AFAP1: variants seen among roughly 807,000 people sequenced by gnomAD.
The protein encoded by AFAP1 is actin filament-associated protein 1.
In AFAP1, 75 loss-of-function variants were observed where a neutral mutation model predicts 93.9. That is an observed-to-expected ratio of 0.80 (90% CI 0.66 to 0.97). AFAP1 has a LOEUF of 0.97. Ranked by LOEUF, AFAP1 falls within the 50% of genes least tolerant of loss-of-function variation. The pLI, the probability that AFAP1 is intolerant of heterozygous loss-of-function variation, is 0.00. For missense variants in AFAP1, 1,201 were observed against 1,050.8 expected, an observed-to-expected ratio of 1.14 and a Z score of -1.98; for synonymous variants, 517 against 430.7, an observed-to-expected ratio of 1.20 and a Z score of -2.48.
At position 7,866,562 on chromosome 4, in the gene AFAP1, A is replaced by C. The variant is rs1716420887; in HGVS notation, c.225+2060T>G. On this transcript the variant is annotated intron_variant, in intron 3 of 17. Transcript: ENST00000420658. ...AACATCTTTCCCAATATGAAATGTGATGAAATATAAGACCCATCACAGGGG... is the reference window on the plus strand; with the variant it reads ...AACATCTTTCCCAATATGAAATGTGCTGAAATATAAGACCCATCACAGGGG... Among the ~76,000 whole-genome samples, 3 of 152,328 alleles carry C rather than the reference A, an allele frequency of 2.0e-5. No individual in the cohort carries two copies. The South Asian group carries it at 6.2e-4, about 32-fold the overall frequency.
chr4:7,838,068 G>C (rs1712525835), intron 6 of AFAP1, among the ~76,000 whole-genome samples: 1 of 152,112 alleles, frequency 6.6e-6, no homozygotes, highest in African/African-American at 2.4e-5. Context: ...AGTAAATATA[G>C]TGAGAAAGTC....
In AFAP1 at chr4:7,911,731, C is replaced by T. The variant is rs114018092; in HGVS notation, c.-3+27925G>A. The stretch of plus-strand genomic sequence containing the variant: ...CCAGTACTTGTGTCACTATTCCACA[C>T]GGGTCCCTCCAGGGATTTCTGCCTG... On this transcript the variant is annotated intron_variant, in intron 1 of 17. Transcript: ENST00000420658. 7.2e-3 allele frequency among the ~76,000 whole-genome samples: 1,104 copies of T among 152,290 alleles called. 8 individuals are homozygous for T. The highest frequency in any genetic ancestry group is 0.024 in the African/African-American group (991 of 41,550).
intron 1 of AFAP1, among the ~76,000 whole-genome samples, chr4:7,884,470 A>ATT (rs1718030680): frequency 6.6e-6 from 1 of 152,098 alleles, no homozygotes; most frequent in Non-Finnish European, 1.5e-5. Flanking sequence ...CTATTTAAAA[A>ATT]TAATAAAGGC....
At chr4:7,837,588 A>G (rs929020011) in intron 6 of AFAP1, among the ~76,000 whole-genome samples, 1 of 152,224 alleles carries the variant, frequency 6.6e-6, no homozygotes, top group Non-Finnish European at 1.5e-5. Flanking sequence ...CAATCCAAGT[A>G]GACTAAGACA....
intron 1 of AFAP1, among the ~76,000 whole-genome samples, chr4:7,932,309 T>C (rs1264405310): frequency 2.0e-5 from 3 of 152,196 alleles, no homozygotes; most frequent in African/African-American, 7.2e-5. Flanking sequence ...CACCATCAGT[T>C]GTTTTCTTGA....
At position 7,774,786 on chromosome 4, in the gene AFAP1, A is replaced by G. The variant is rs201068346; in HGVS notation, c.2015T>C (p.Leu672Pro). ...TCGAAGGTCTTTTCTTTCCTTGCGG[A>G]GCTGGGCCAGCCTATTCCGCAGGGC... ...KEALRNRLAQ[L>P]RKERKDLRAA... The change falls in exon 15 of 18, where the codon CTC (leucine) becomes CCC (proline). Residue 672 changes from leucine (L) to proline (P), a missense_variant. Coordinates refer to ENST00000420658, the MANE Select transcript of AFAP1 (RefSeq NM_001134647.2). 1 of 1,614,138 alleles carries G rather than the reference A, an allele frequency of 6.2e-7. No homozygotes were observed. The highest frequency in any genetic ancestry group is 8.5e-7 in the Non-Finnish European group (1 of 1,180,036).
chr4:7,867,129 A>G (rs1577317050), intron 3 of AFAP1, among the ~76,000 whole-genome samples: 1 of 21,920 alleles, frequency 4.6e-5, no homozygotes, highest in African/African-American at 1.3e-4. Context: ...AGGGTAGGGG[A>G]GCGGAGGGGA....
intron 17 of AFAP1, among the ~76,000 whole-genome samples, chr4:7,765,175 C>A (rs1714382149): frequency 6.6e-6 from 1 of 152,134 alleles, no homozygotes; most frequent in African/African-American, 2.4e-5. Flanking sequence ...TGAAGCTGGG[C>A]CCCAAAACCA....
rs1052477164 is a variant in AFAP1, at chr4:7,762,963, G to C, written c.*802C>G. On this transcript the variant is annotated 3_prime_UTR_variant, in exon 18 of 18. Coordinates refer to ENST00000420658, the MANE Select transcript of AFAP1 (RefSeq NM_001134647.2). ...CTGGGGATGCTAGCCCAAGGGGGAG[G>C]AGGGTGTACTGTTAGTGAAGTATTA... The C allele has an allele frequency of 3.3e-5, 5 of 152,328 alleles. No individual in the cohort carries two copies. The highest frequency in any genetic ancestry group is 1.2e-4 in the African/African-American group (5 of 41,554). The allele number at this position is 152,328 out of a possible 1,614,324, so 9.4% of individuals were successfully genotyped here. A position where few individuals can be genotyped will look rare whatever the true frequency, so the allele number is the denominator to read the frequency against.
intron 3 of AFAP1, among the ~76,000 whole-genome samples, chr4:7,863,930 T>C (rs1222915910): frequency 1.4e-5 from 1 of 70,798 alleles, no homozygotes; most frequent in Non-Finnish European, 2.7e-5. Context: ...CTTCAATGGC[T>C]TACTGTTGCT....
intron 9 of AFAP1, 128 bp from the exon 10 acceptor site, chr4:7,800,781 C>G (rs1718952320): frequency 2.2e-6 from 2 of 916,758 alleles, no homozygotes; most frequent in African/African-American, 1.7e-5. Context: ...CACGATCGAT[C>G]AAGCTTTAAA....
intron 1 of AFAP1, among the ~76,000 whole-genome samples, chr4:7,917,856 C>T (rs990542322): frequency 2.6e-4 from 40 of 152,206 alleles, no homozygotes; most frequent in African/African-American, 8.2e-4. Flanking sequence ...GAGGTGGAAA[C>T]GCAACCTGAC....
At chr4:7,845,061 A>G (rs1713523001) in intron 4 of AFAP1, among the ~76,000 whole-genome samples, 1 of 152,218 alleles carries the variant, frequency 6.6e-6, no homozygotes, top group Non-Finnish European at 1.5e-5. Context: ...ATTTCCTTGC[A>G]AAGATTCAAT....
At chr4:7,869,776 A>G (rs1716859723) in intron 2 of AFAP1, among the ~76,000 whole-genome samples, 1 of 152,182 alleles carries the variant, frequency 6.6e-6, no homozygotes, top group South Asian at 2.1e-4. Context: ...GACCTCCAGG[A>G]GCTGCAATGG....
intron 1 of AFAP1, among the ~76,000 whole-genome samples, chr4:7,882,681 A>G (rs71601889): frequency 0.12 from 17,501 of 152,170 alleles, 1,172 homozygotes; most frequent in Non-Finnish European, 0.16. Context: ...CAACATGGCG[A>G]AACCCTGTCT....
intron 12 of AFAP1, among the ~76,000 whole-genome samples, chr4:7,785,165 A>G (rs926998045): frequency 2.6e-5 from 4 of 152,132 alleles, no homozygotes; most frequent in South Asian, 2.1e-4. Flanking sequence ...TGCCTGGATC[A>G]GGCAGGATGC....
intron 1 of AFAP1, among the ~76,000 whole-genome samples, chr4:7,924,194 G>A (rs1231775740): frequency 1.3e-5 from 2 of 152,178 alleles, no homozygotes. Flanking sequence ...AAGCTGGAAC[G>A]TTTCCCTGTA....
At chr4:7,868,580 G>A (rs2149175713) in intron 3 of AFAP1, 42 bp downstream of exon 3, 2 of 1,573,764 alleles carry the variant, frequency 1.3e-6, no homozygotes, top group Non-Finnish European at 1.7e-6. Flanking sequence ...GTACCCCCAG[G>A]CCTCCAGCGA....
At chr4:7,931,198 C>T (rs1055938368) in intron 1 of AFAP1, among the ~76,000 whole-genome samples, 3 of 152,114 alleles carry the variant, frequency 2.0e-5, no homozygotes, top group South Asian at 2.1e-4. Context: ...AAAACATAAA[C>T]GCAGTAACCT....
Sources: gnomAD v4.1 joint callset for allele counts (sites outside exome capture counted in the v4.1 genomes callset) on GRCh38, gnomAD v4.1.1 for gene constraint, MANE v1.5 for transcripts, NCBI Gene and HGNC (gene_info 2026-07-23, HGNC 2026-07-21) for gene names.